Variants in SLC4A4 observed in about 807,000 individuals in gnomAD.
The protein encoded by SLC4A4 is solute carrier family 4 member 4, also known as electrogenic sodium bicarbonate cotransporter 1.
SLC4A4 carries 27 observed loss-of-function variants against 111.5 expected under a neutral mutation model. The ratio of observed to expected loss-of-function variants is 0.24; its 90% CI spans 0.18 to 0.33. The LOEUF (loss-of-function observed/expected upper bound fraction) is 0.33. SLC4A4 is among the 10% of genes least tolerant of loss of function. The probability of loss-of-function intolerance (pLI) is 1.00; values close to 1 mark genes in which losing one functional copy is unlikely to be tolerated. For missense variants in SLC4A4, 909 were observed against 1,315.5 expected (o/e 0.69, Z 4.78); for synonymous variants, 443 against 463.4 (o/e 0.96, Z 0.57).
intron 6 of SLC4A4, among the ~76,000 whole-genome samples, chr4:71,359,937 T>G (rs1009016038): frequency 6.6e-6 from 1 of 152,194 alleles, no homozygotes; most frequent in African/African-American, 2.4e-5. Context: ...TAGAGATAAC[T>G]TCAAAGTTGT....
intron 11 of SLC4A4, among the ~76,000 whole-genome samples, chr4:71,452,700 G>A (rs1277746588): frequency 1.3e-5 from 2 of 152,158 alleles, no homozygotes; most frequent in African/African-American, 4.8e-5. Context: ...TGACGTGCAA[G>A]TCACTCAACT....
chr4:71,425,130 GT>G (rs965127868), intron 7 of SLC4A4, among the ~76,000 whole-genome samples: 3 of 152,102 alleles, frequency 2.0e-5, no homozygotes, highest in Non-Finnish European at 2.9e-5. Context: ...GTTGAGGTGT[GT>G]TTAAGATGGT....
intron 3 of SLC4A4, among the ~76,000 whole-genome samples, chr4:71,325,047 T>G (rs1727401725): frequency 6.6e-6 from 1 of 152,004 alleles, no homozygotes; most frequent in Non-Finnish European, 1.5e-5. Flanking sequence ...AATTATCTAT[T>G]TTAATGAATA....
At chr4:71,541,045 G>A (rs1310523782) in intron 18 of SLC4A4, among the ~76,000 whole-genome samples, 2 of 152,078 alleles carry the variant, frequency 1.3e-5, no homozygotes, top group African/African-American at 2.4e-5. Flanking sequence ...AGCATTTCTA[G>A]TCTCTGGCCA....
intron 6 of SLC4A4, among the ~76,000 whole-genome samples, chr4:71,378,265 A>T (rs918997572): frequency 2.0e-5 from 3 of 152,200 alleles, no homozygotes; most frequent in Non-Finnish European, 4.4e-5. Context: ...AGCACTAATG[A>T]CTACCACCCA....
At position 71,196,663 on chromosome 4, in the gene SLC4A4, C is replaced by G. The variant is rs1265225580; in HGVS notation, c.-2+9262C>G. ...AAAATGCTTATTTAATGGAGGGATA[C>G]TTAGTATTTTTAAAATGTGTACTGG... is the stretch of plus-strand genomic sequence containing the variant. On this transcript the variant is annotated intron_variant, in intron 1 of 25. Transcript: ENST00000264485. 2.6e-5 allele frequency among the ~76,000 whole-genome samples: 4 copies of G among 151,202 alleles called. No homozygotes were observed. In the East Asian group the frequency reaches 7.8e-4, roughly 29 times the overall value.
intron 2 of SLC4A4, among the ~76,000 whole-genome samples, chr4:71,132,415 T>C (rs903160588): frequency 1.3e-5 from 2 of 152,206 alleles, no homozygotes; most frequent in African/African-American, 2.4e-5. Flanking sequence ...TCTATTTCCA[T>C]GGAAATAGAA....
At chr4:71,353,801 A>G (rs1387214659) in intron 5 of SLC4A4, among the ~76,000 whole-genome samples, 1 of 152,202 alleles carries the variant, frequency 6.6e-6, no homozygotes, top group Non-Finnish European at 1.5e-5. Context: ...GCTGCTTTTC[A>G]TCTTCCTTTG....
At chr4:71,337,839 A>G (rs1728557228) in intron 3 of SLC4A4, among the ~76,000 whole-genome samples, 1 of 151,350 alleles carries the variant, frequency 6.6e-6, no homozygotes, top group South Asian at 2.1e-4. Flanking sequence ...TAATTAATTA[A>G]TTAATTTATA....
At chr4:71,133,693 T>C (rs774221033) in intron 2 of SLC4A4, among the ~76,000 whole-genome samples, 2 of 152,284 alleles carry the variant, frequency 1.3e-5, no homozygotes, top group Non-Finnish European at 2.9e-5. Context: ...AGGGACTCCA[T>C]AGATGTGAGT....
chr4:71,191,636 C>T (rs1453305194), intron 1 of SLC4A4, among the ~76,000 whole-genome samples: 1 of 152,148 alleles, frequency 6.6e-6, no homozygotes. Flanking sequence ...AGTAGCAGTG[C>T]CCACTTGCCG....
chr4:71,092,428 A>C (rs1027700225), intron 1 of SLC4A4, among the ~76,000 whole-genome samples: 8 of 152,342 alleles, frequency 5.3e-5, no homozygotes, highest in Non-Finnish European at 8.8e-5. Flanking sequence ...CCTAGTAAGA[A>C]TTAGTAGATA....
chr4:71,348,676 G>C (rs985731059), intron 4 of SLC4A4, among the ~76,000 whole-genome samples: 1 of 152,092 alleles, frequency 6.6e-6, no homozygotes, highest in Non-Finnish European at 1.5e-5. Context: ...TGCTGGGCTT[G>C]ATTAACATTC....
intron 7 of SLC4A4, among the ~76,000 whole-genome samples, chr4:71,402,077 T>C (rs926807728): frequency 3.9e-5 from 6 of 152,222 alleles, no homozygotes; most frequent in Non-Finnish European, 5.9e-5. Flanking sequence ...TGTTTAAATA[T>C]ATTTTGCTGC....
At chr4:71,211,230 T>C (rs1166130063) in intron 1 of SLC4A4, among the ~76,000 whole-genome samples, 1 of 152,260 alleles carries the variant, frequency 6.6e-6, no homozygotes, top group Non-Finnish European at 1.5e-5. Flanking sequence ...GATTTTAGGC[T>C]TTTGGCAGAT....
intron 18 of SLC4A4, among the ~76,000 whole-genome samples, chr4:71,536,458 A>G (rs1734435281): frequency 1.8e-4 from 3 of 16,622 alleles, no homozygotes; most frequent in Admixed American, 8.6e-4. Context: ...ACATATATAC[A>G]TATATACATA....
chr4:71,341,801 A>G (rs1348899902), intron 4 of SLC4A4, among the ~76,000 whole-genome samples: 5 of 152,110 alleles, frequency 3.3e-5, no homozygotes, highest in Non-Finnish European at 2.9e-5. Context: ...AGAAGTTTTT[A>G]TTCCTCACCA....
chr4:71,408,418 CATT>C (rs1721068091), intron 7 of SLC4A4, among the ~76,000 whole-genome samples: 1 of 152,184 alleles, frequency 6.6e-6, no homozygotes, highest in Non-Finnish European at 1.5e-5. Flanking sequence ...TTGCCATTTT[CATT>C]ATTTAAATGG....
At chr4:71,280,742 G>C (rs1011821250) in intron 3 of SLC4A4, among the ~76,000 whole-genome samples, 3 of 151,998 alleles carry the variant, frequency 2.0e-5, no homozygotes, top group Non-Finnish European at 4.4e-5. Context: ...CCTTTACTAA[G>C]ACCTAGTCCT....
Sources: allele counts gnomAD v4.1 joint callset (sites outside exome capture counted in the v4.1 genomes callset), GRCh38; gene constraint gnomAD v4.1.1; transcripts MANE v1.5; gene names NCBI Gene and HGNC (gene_info 2026-07-23, HGNC 2026-07-21).